The following TRIO variants were observed in gnomAD, a reference collection of about 807,000 sequenced individuals.
TRIO encodes trio Rho guanine nucleotide exchange factor.
Under a neutral mutation model 351.9 loss-of-function variants are expected in TRIO, and 58 were observed. The observed-to-expected ratio is 0.16, with a 90% CI of 0.13 to 0.21. The LOEUF (loss-of-function observed/expected upper bound fraction) is 0.21. TRIO is among the 10% of genes least tolerant of loss of function. The probability of loss-of-function intolerance (pLI) is 1.00; values close to 1 mark genes in which losing one functional copy is unlikely to be tolerated. For missense variants in TRIO, 3,201 were observed against 4,027.8 expected (o/e 0.79, Z 5.56); for synonymous variants, 1,758 against 1,595.7 (o/e 1.10, Z -2.42).
chr5:14,368,206 C>G (rs1047749209), intron 16 of TRIO, among the ~76,000 whole-genome samples: 32 of 152,220 alleles, frequency 2.1e-4, no homozygotes, highest in African/African-American at 7.2e-4. Flanking sequence ...TTGTTTCATT[C>G]TTAGCTTTTT....
chr5:14,322,031 C>T (rs1159864659), intron 9 of TRIO, among the ~76,000 whole-genome samples: 1 of 151,994 alleles, frequency 6.6e-6, no homozygotes, highest in Non-Finnish European at 1.5e-5. Context: ...TTATTAGCAG[C>T]ATGAGAACAG....
At chr5:14,212,056 T>G (rs2152195348) in intron 1 of TRIO, among the ~76,000 whole-genome samples, 1 of 152,130 alleles carries the variant, frequency 6.6e-6, no homozygotes, top group South Asian at 2.1e-4. Flanking sequence ...GGAGGATCAC[T>G]TGAGCTTGGG....
rs533830184 is a variant in TRIO at position 14,344,102 on chromosome 5, C to A, written c.2046+7375C>A. 2.0e-5 allele frequency among the ~76,000 whole-genome samples: 3 copies of A among 152,274 alleles called. 1 individual carries two copies. Among genetic ancestry groups the A allele is most frequent in the African/African-American group, 7.2e-5 (3 of 41,572 alleles). On this transcript the variant is annotated intron_variant, in intron 11 of 56. Transcript: ENST00000344204. ...CTATATGCTTTTACACATTTGATTTCTTTATTTTTCTGACATGGGTACAAA... is the reference window on the plus strand; with the variant it reads ...CTATATGCTTTTACACATTTGATTTATTTATTTTTCTGACATGGGTACAAA...
chr5:14,165,497 A>G (rs1280900670), intron 1 of TRIO, among the ~76,000 whole-genome samples: 4 of 152,050 alleles, frequency 2.6e-5, no homozygotes, highest in African/African-American at 9.7e-5. Context: ...CCTTTTCTTT[A>G]TCCAGTCTAC....
chr5:14,175,057 T>C (rs1789326768), intron 1 of TRIO, among the ~76,000 whole-genome samples: 1 of 152,218 alleles, frequency 6.6e-6, no homozygotes, highest in African/African-American at 2.4e-5. Flanking sequence ...CATTACTATT[T>C]TTTTTAGATA....
At chr5:14,437,804 C>T (rs1284635699) in intron 34 of TRIO, among the ~76,000 whole-genome samples, 1 of 151,568 alleles carries the variant, frequency 6.6e-6, no homozygotes, top group Admixed American at 6.6e-5. Context: ...TTGGGGAATA[C>T]ACAGTTCAGC....
At chr5:14,459,888 T>C (rs1012089011) in intron 34 of TRIO, among the ~76,000 whole-genome samples, 2 of 152,138 alleles carry the variant, frequency 1.3e-5, no homozygotes, top group Non-Finnish European at 2.9e-5. Context: ...GAGGAAGGCT[T>C]CCCCTCCTCA....
At chr5:14,260,803 T>C (rs1795299901) in intron 1 of TRIO, among the ~76,000 whole-genome samples, 1 of 152,252 alleles carries the variant, frequency 6.6e-6, no homozygotes, top group African/African-American at 2.4e-5. Context: ...TTAGTAACTC[T>C]GAATACTGTA....
intron 11 of TRIO, among the ~76,000 whole-genome samples, chr5:14,348,106 A>G (rs1742601410): frequency 6.6e-6 from 1 of 152,174 alleles, no homozygotes; most frequent in South Asian, 2.1e-4. Flanking sequence ...TGTTTGGATC[A>G]CGTGGGTATT....
chr5:14,282,287 A>G (rs999035663), intron 3 of TRIO, among the ~76,000 whole-genome samples: 15 of 152,182 alleles, frequency 9.9e-5, no homozygotes, highest in African/African-American at 3.6e-4. Flanking sequence ...AGCTTTGACT[A>G]TGTGCCAAGT....
intron 1 of TRIO, among the ~76,000 whole-genome samples, chr5:14,156,586 T>A (rs775097773): frequency 1.3e-5 from 2 of 152,240 alleles, no homozygotes; most frequent in Non-Finnish European, 2.9e-5. Flanking sequence ...TCTTCCGTAT[T>A]TGTAATTCCC....
intron 24 of TRIO, 125 bp downstream of exon 24, chr5:14,388,804 G>T (rs1579508246): frequency 8.8e-7 from 1 of 1,133,148 alleles, no homozygotes. Flanking sequence ...TTTTTTAAAT[G>T]TAAAGTATGC....
chr5:14,373,521 T>C (rs756991024), intron 18 of TRIO, among the ~76,000 whole-genome samples: 4 of 152,244 alleles, frequency 2.6e-5, no homozygotes, highest in Non-Finnish European at 4.4e-5. Flanking sequence ...AAGGGTTTTT[T>C]CCTTACCTTC....
chr5:14,382,005 C>T (rs1453292935), intron 21 of TRIO, among the ~76,000 whole-genome samples: 3 of 152,272 alleles, frequency 2.0e-5, no homozygotes, highest in East Asian at 3.9e-4. Flanking sequence ...TTTCAAGTCA[C>T]CATTACAACC....
At chr5:14,194,401 AATT>A (rs1790640117) in intron 1 of TRIO, among the ~76,000 whole-genome samples, 1 of 152,166 alleles carries the variant, frequency 6.6e-6, no homozygotes, top group Non-Finnish European at 1.5e-5. Flanking sequence ...GTTTTATAAT[AATT>A]GTTTTCTTTC....
chr5:14,203,433 A>G (rs1484506726), intron 1 of TRIO, among the ~76,000 whole-genome samples: 1 of 152,256 alleles, frequency 6.6e-6, no homozygotes, highest in Non-Finnish European at 1.5e-5. Flanking sequence ...CAGTATTTTT[A>G]GAATCAAGTA....
At chr5:14,342,591 C>G (rs1225011611) in intron 11 of TRIO, among the ~76,000 whole-genome samples, 1 of 152,178 alleles carries the variant, frequency 6.6e-6, no homozygotes, top group East Asian at 1.9e-4. Flanking sequence ...CTGAATTATC[C>G]CAGTCTCTCA....
intron 7 of TRIO, among the ~76,000 whole-genome samples, chr5:14,302,047 A>G (rs1489789321): frequency 6.6e-6 from 1 of 152,208 alleles, no homozygotes; most frequent in African/African-American, 2.4e-5. Flanking sequence ...TTTTCAGAGA[A>G]GTATAATCAG....
At chr5:14,383,257 T>G (rs971674150) in intron 21 of TRIO, among the ~76,000 whole-genome samples, 1 of 152,170 alleles carries the variant, frequency 6.6e-6, no homozygotes, top group Non-Finnish European at 1.5e-5. Flanking sequence ...ATAAAGGTAT[T>G]AAGAAAATGC....
Sources: allele counts gnomAD v4.1 joint callset (sites outside exome capture counted in the v4.1 genomes callset), GRCh38; gene constraint gnomAD v4.1.1; transcripts MANE v1.5; gene names NCBI Gene and HGNC (gene_info 2026-07-23, HGNC 2026-07-21).